The following AGTPBP1 variants were observed in gnomAD, a reference collection of about 807,000 sequenced individuals.
AGTPBP1 encodes the protein ATP/GTP binding carboxypeptidase 1.
A neutral mutation model predicts 143.9 loss-of-function variants in AGTPBP1; 70 were observed. That is an observed-to-expected ratio of 0.49 (90% CI 0.40 to 0.59). The LOEUF is 0.59. Ranked by LOEUF, AGTPBP1 falls within the 20% of genes least tolerant of loss-of-function variation. The pLI is 0.00. For missense variants in AGTPBP1, 1,229 were observed against 1,464.5 expected (o/e 0.84, Z 2.62); for synonymous variants, 463 against 500.2 (o/e 0.93, Z 0.99).
At chr9:85,767,671 G>T in the AGTPBP1 span, among the ~76,000 whole-genome samples, 3 of 151,582 alleles carry the variant, frequency 2.0e-5, no homozygotes, top group Admixed American at 1.3e-4. Flanking sequence ...TAGTAGAGAC[G>T]AGGTCTCGCC....
At chr9:85,631,556 T>C (rs1164810236) in intron 14 of AGTPBP1, among the ~76,000 whole-genome samples, 2 of 152,202 alleles carry the variant, frequency 1.3e-5, no homozygotes, top group Non-Finnish European at 2.9e-5. Flanking sequence ...GATGCTATGA[T>C]GTACGGGATG....
intron 17 of AGTPBP1, among the ~76,000 whole-genome samples, chr9:85,617,708 C>T (rs1316349557): frequency 1.3e-5 from 2 of 151,846 alleles, no homozygotes; most frequent in Non-Finnish European, 2.9e-5. Context: ...AGCTAATAAA[C>T]CTCTAGAGTT....
the AGTPBP1 span, among the ~76,000 whole-genome samples, chr9:85,762,771 ATATATATATAAAACTT>A: frequency 9.1e-3 from 1,357 of 148,758 alleles, 20 homozygotes; most frequent in African/African-American, 0.029. Context: ...AAAGTTATAT[ATATATATATAAAACTT>A]TATATATATA....
At chr9:85,779,604 T>C in the AGTPBP1 span, among the ~76,000 whole-genome samples, 1 of 152,160 alleles carries the variant, frequency 6.6e-6, no homozygotes, top group Non-Finnish European at 1.5e-5. Flanking sequence ...GGCAACACTC[T>C]CACAGACACA....
At chr9:85,564,475 T>C (rs1374440416) in intron 25 of AGTPBP1, among the ~76,000 whole-genome samples, 3 of 152,276 alleles carry the variant, frequency 2.0e-5, no homozygotes, top group East Asian at 1.9e-4. Flanking sequence ...CACAGTCATA[T>C]GCTCCAATGA....
chr9:85,772,726 C>G, the AGTPBP1 span, among the ~76,000 whole-genome samples: 3 of 151,870 alleles, frequency 2.0e-5, no homozygotes, highest in Non-Finnish European at 4.4e-5. Context: ...GCACTCCAAC[C>G]TGAGGTGACA....
chr9:85,702,153 C>G (rs973290916), intron 2 of AGTPBP1, among the ~76,000 whole-genome samples: 1 of 152,216 alleles, frequency 6.6e-6, no homozygotes, highest in African/African-American at 2.4e-5. Context: ...CCTTCTCCCT[C>G]CATGCACTCA....
intron 3 of AGTPBP1, among the ~76,000 whole-genome samples, chr9:85,690,512 C>T (rs530481166): frequency 6.6e-6 from 1 of 150,586 alleles, no homozygotes; most frequent in Non-Finnish European, 1.5e-5. Context: ...GGAAGAGGGT[C>T]ATTCTCTGAT....
intron 19 of AGTPBP1, 124 bp from the exon 20 acceptor site, chr9:85,589,805 C>G: frequency 1.1e-6 from 1 of 928,754 alleles, no homozygotes; most frequent in Non-Finnish European, 1.6e-6. Context: ...TTATCCAAAA[C>G]CCTCAGGGCC....
chr9:85,715,744 G>C (rs1459726848), intron 1 of AGTPBP1, among the ~76,000 whole-genome samples: 1 of 152,198 alleles, frequency 6.6e-6, no homozygotes, highest in Non-Finnish European at 1.5e-5. Flanking sequence ...GCGAAAGCTT[G>C]TGTTGATTAC....
chr9:85,668,626 A>G (rs1202660987), intron 8 of AGTPBP1, among the ~76,000 whole-genome samples: 2 of 152,090 alleles, frequency 1.3e-5, no homozygotes, highest in Non-Finnish European at 2.9e-5. Flanking sequence ...GCTTATAGAA[A>G]TACACACACA....
the AGTPBP1 span, among the ~76,000 whole-genome samples, chr9:85,767,180 CTTTT>C: frequency 8.6e-6 from 1 of 116,434 alleles, no homozygotes. Flanking sequence ...TGAGAACATA[CTTTT>C]TTTTTTTTTT....
At chr9:85,638,119 T>TAA (rs35514571) in intron 13 of AGTPBP1, among the ~76,000 whole-genome samples, 10 of 151,134 alleles carry the variant, frequency 6.6e-5, no homozygotes, top group South Asian at 4.2e-4. Flanking sequence ...TTATGTTTAG[T>TAA]AAAAAAAAAG....
chr9:85,698,378 T>C (rs1836409831), intron 2 of AGTPBP1, among the ~76,000 whole-genome samples: 1 of 152,174 alleles, frequency 6.6e-6, no homozygotes, highest in African/African-American at 2.4e-5. Flanking sequence ...GTTAAATCAA[T>C]CTATTTTTAT....
chr9:85,785,207 G>A, the AGTPBP1 span, among the ~76,000 whole-genome samples: 9 of 152,124 alleles, frequency 5.9e-5, no homozygotes, highest in South Asian at 1.7e-3. Context: ...GGTGGCGGGC[G>A]CCTGTAGTCC....
rs547304329 is a variant in AGTPBP1 at position 85,588,569 on chromosome 9, A to T, written c.2723-91T>A. 6.1e-6 allele frequency: 8 copies of T among 1,304,830 alleles called. No individual in the cohort carries two copies. The African/African-American group carries it at 1.2e-4, about 20-fold the overall frequency. The allele number at this position is 1,304,830 out of a possible 1,614,324, so 80.8% of individuals were successfully genotyped here. Reference sequence around the variant, plus strand: ...GGGCTTTAGAAATGTCTCTAACTCAATTGTGAATTCTAATATAAATTAATA... The same window carrying T: ...GGGCTTTAGAAATGTCTCTAACTCATTTGTGAATTCTAATATAAATTAATA... On this transcript the variant is annotated intron_variant, in intron 20 of 25. Coordinates refer to ENST00000357081, the MANE Select transcript of AGTPBP1 (RefSeq NM_001330701.2).
intron 2 of AGTPBP1, among the ~76,000 whole-genome samples, chr9:85,706,033 AAGAT>A (rs2134416561): frequency 6.6e-6 from 1 of 151,992 alleles, no homozygotes; most frequent in African/African-American, 2.4e-5. Context: ...GTATCACTAA[AAGAT>A]AGACTATGAT....
chr9:85,583,470 T>C lies in AGTPBP1; in HGVS notation c.3165+1993A>G, dbSNP rs564349950. Among the ~76,000 whole-genome samples, 87 of 152,252 alleles carry C rather than the reference T, an allele frequency of 5.7e-4. 1 individual carries two copies. The South Asian group carries it at 0.016, about 28-fold the overall frequency. The stretch of plus-strand genomic sequence containing the variant: ...CTGACGTAACTAATTACACAACTAC[T>C]GGTGAGGGGAGGTGTGTGTGTAACA... On this transcript the variant is annotated intron_variant, in intron 23 of 25. Transcript: ENST00000357081.
intron 25 of AGTPBP1, among the ~76,000 whole-genome samples, chr9:85,565,303 T>G (rs1270797525): frequency 6.6e-6 from 1 of 152,106 alleles, no homozygotes; most frequent in African/African-American, 2.4e-5. Flanking sequence ...GGGAAATAGT[T>G]AAAACCAAGA....
Sources: gnomAD v4.1 joint callset for allele counts (sites outside exome capture counted in the v4.1 genomes callset) on GRCh38, gnomAD v4.1.1 for gene constraint, MANE v1.5 for transcripts, NCBI Gene and HGNC (gene_info 2026-07-23, HGNC 2026-07-21) for gene names.